Variants in PRKG1 observed in about 807,000 individuals in gnomAD.
The protein encoded by PRKG1 is protein kinase cGMP-dependent 1, also known as cGMP-dependent protein kinase 1.
In PRKG1, 35 loss-of-function variants were observed where a neutral mutation model predicts 88.1. That is an observed-to-expected ratio of 0.40 (90% confidence interval 0.30 to 0.53). The LOEUF is 0.53. Among genes scored for constraint, PRKG1 ranks in the 20% least tolerant of loss-of-function variants. The probability of loss-of-function intolerance (pLI) is 0.59; values close to 1 mark genes in which losing one functional copy is unlikely to be tolerated. For missense variants in PRKG1, 540 were observed against 839.8 expected (o/e 0.64, Z 4.41); for synonymous variants, 303 against 292.5 (o/e 1.04, Z -0.37).
chr10:52,014,779 G>T (rs1286303277), intron 5 of PRKG1, among the ~76,000 whole-genome samples: 2 of 152,212 alleles, frequency 1.3e-5, no homozygotes, highest in Non-Finnish European at 2.9e-5. Flanking sequence ...GGAGAAATTG[G>T]CCAAAACAAA....
intron 2 of PRKG1, among the ~76,000 whole-genome samples, chr10:51,250,619 T>C (rs553566204): frequency 6.6e-6 from 1 of 151,870 alleles, no homozygotes; most frequent in Admixed American, 6.6e-5. Flanking sequence ...CCTTTCTTTC[T>C]AAAGTTTGTG....
chr10:51,691,201 G>C (rs1226385722), intron 3 of PRKG1, among the ~76,000 whole-genome samples: 1 of 150,632 alleles, frequency 6.6e-6, no homozygotes, highest in African/African-American at 2.4e-5. Context: ...AAAAAAAAAT[G>C]CATCAAGATT....
intron 2 of PRKG1, among the ~76,000 whole-genome samples, chr10:51,288,370 A>T (rs1420597724): frequency 6.6e-6 from 1 of 152,176 alleles, no homozygotes; most frequent in Non-Finnish European, 1.5e-5. Flanking sequence ...TGCTGCAGTA[A>T]AATGTAAAGA....
chr10:52,220,785 T>A (rs1840224524), intron 9 of PRKG1, among the ~76,000 whole-genome samples: 1 of 152,192 alleles, frequency 6.6e-6, no homozygotes, highest in South Asian at 2.1e-4. Flanking sequence ...CCATGGTATA[T>A]ATATACCACA....
At chr10:51,795,746 G>A (rs990835435) in intron 3 of PRKG1, among the ~76,000 whole-genome samples, 1 of 152,036 alleles carries the variant, frequency 6.6e-6, no homozygotes, top group African/African-American at 2.4e-5. Flanking sequence ...ACCTTATGAT[G>A]TGAGCTGATA....
At chr10:51,222,379 A>G (rs1838566397) in intron 2 of PRKG1, among the ~76,000 whole-genome samples, 1 of 152,166 alleles carries the variant, frequency 6.6e-6, no homozygotes, top group East Asian at 1.9e-4. Context: ...ACATTAATCA[A>G]TGTTGTCTCT....
At chr10:51,699,597 T>C in intron 3 of PRKG1, 1 of 1,552,920 alleles carries the variant, frequency 6.4e-7, no homozygotes, top group South Asian at 1.2e-5. Context: ...GAGGCGTCTG[T>C]CCTCTTGCGA....
chr10:51,972,705 C>T (rs1435227408), intron 5 of PRKG1, among the ~76,000 whole-genome samples: 2 of 152,032 alleles, frequency 1.3e-5, no homozygotes, highest in African/African-American at 2.4e-5. Flanking sequence ...CTGACCTGTC[C>T]CTTACTTCTA....
At chr10:51,648,937 C>T (rs528500146) in intron 3 of PRKG1, among the ~76,000 whole-genome samples, 2 of 152,260 alleles carry the variant, frequency 1.3e-5, no homozygotes, top group African/African-American at 4.8e-5. Flanking sequence ...GGCATGGTGG[C>T]TCATGCCTAT....
chr10:51,787,866 A>G (rs77389019), intron 3 of PRKG1, among the ~76,000 whole-genome samples: 6 of 152,290 alleles, frequency 3.9e-5, no homozygotes, highest in African/African-American at 7.2e-5. Context: ...CTTATTACCT[A>G]TGAGGTGAGG....
At position 51,712,675 on chromosome 10, in the gene PRKG1, T is replaced by C. The variant is rs180704414; in HGVS notation, c.593-91910T>C. On this transcript the variant is annotated intron_variant, in intron 3 of 17. Coordinates refer to ENST00000373980, the MANE Select transcript of PRKG1 (RefSeq NM_006258.4). ...CGCAGTCTCGGCTCACTGCAATCTC[T>C]GCCTCCCAGGTTCACGCTATTCTCC... 4.5e-3 allele frequency among the ~76,000 whole-genome samples: 647 copies of C among 142,788 alleles called. 2 individuals carry two copies. The highest frequency in any genetic ancestry group is 0.016 in the African/African-American group (626 of 38,732). The allele number at this position is 142,788 out of a possible 152,430, so 93.7% of individuals were successfully genotyped here.
intron 2 of PRKG1, among the ~76,000 whole-genome samples, chr10:51,334,157 TC>T (rs879878289): frequency 0.13 from 1,403 of 11,188 alleles, 7 homozygotes; most frequent in Non-Finnish European, 0.21. Flanking sequence ...TCTCTTTCTC[TC>T]TCTCTCTCTC....
At chr10:51,036,801 G>C (rs1434372888) in intron 1 of PRKG1, among the ~76,000 whole-genome samples, 1 of 152,092 alleles carries the variant, frequency 6.6e-6, no homozygotes, top group African/African-American at 2.4e-5. Context: ...CATATTAATG[G>C]GGAAGGGAAG....
intron 1 of PRKG1, among the ~76,000 whole-genome samples, chr10:51,059,019 T>C (rs915737919): frequency 6.6e-6 from 1 of 152,224 alleles, no homozygotes; most frequent in Non-Finnish European, 1.5e-5. Context: ...TTTATCCTTA[T>C]GCTACAAATG....
intron 2 of PRKG1, among the ~76,000 whole-genome samples, chr10:51,186,015 A>G (rs1837476518): frequency 6.6e-6 from 1 of 151,992 alleles, no homozygotes; most frequent in South Asian, 2.1e-4. Context: ...ATCTAGTGTC[A>G]TTTTTTATTT....
chr10:52,233,629 G>A (rs1490848956), intron 9 of PRKG1, among the ~76,000 whole-genome samples: 16 of 145,964 alleles, frequency 1.1e-4, no homozygotes, highest in African/African-American at 2.5e-4. Flanking sequence ...GGCGCACCAC[G>A]AGACTATATC....
intron 4 of PRKG1, among the ~76,000 whole-genome samples, chr10:51,818,379 G>A (rs1459837651): frequency 6.6e-6 from 1 of 151,722 alleles, no homozygotes; most frequent in Non-Finnish European, 1.5e-5. Context: ...TAACTTCGAA[G>A]CCCCATAATA....
intron 2 of PRKG1, among the ~76,000 whole-genome samples, chr10:51,419,386 C>T (rs1057055058): frequency 9.9e-5 from 15 of 152,064 alleles, no homozygotes; most frequent in African/African-American, 3.1e-4. Context: ...TTAGTGGTAA[C>T]CATGGCAACC....
At chr10:51,200,158 G>A (rs1171529362) in intron 2 of PRKG1, among the ~76,000 whole-genome samples, 2 of 152,194 alleles carry the variant, frequency 1.3e-5, no homozygotes, top group South Asian at 2.1e-4. Context: ...TACAGAGTGG[G>A]AGGAAACACA....
Sources: allele counts gnomAD v4.1 joint callset (sites outside exome capture counted in the v4.1 genomes callset), GRCh38; gene constraint gnomAD v4.1.1; transcripts MANE v1.5; gene names NCBI Gene and HGNC (gene_info 2026-07-23, HGNC 2026-07-21).